The following VPS53 variants were observed in gnomAD, a reference collection of about 807,000 sequenced individuals.
VPS53 encodes the protein VPS53 subunit of GARP complex, also known as vacuolar protein sorting-associated protein 53 homolog.
In VPS53, 70 loss-of-function variants were observed where a neutral mutation model predicts 107.0. The ratio of observed to expected loss-of-function variants is 0.65; its 90% CI spans 0.54 to 0.80. The LOEUF (loss-of-function observed/expected upper bound fraction) is 0.80, where lower values mean the gene tolerates loss of function less well. VPS53 is among the 30% of genes least tolerant of loss of function. The pLI is 0.00. For missense variants in VPS53, 917 were observed against 1,049.4 expected (o/e 0.87, Z 1.74); for synonymous variants, 409 against 393.3 (o/e 1.04, Z -0.47).
intron 4 of VPS53, among the ~76,000 whole-genome samples, chr17:684,879 T>C (rs1208759210): frequency 1.3e-5 from 2 of 151,912 alleles, no homozygotes; most frequent in Non-Finnish European, 2.9e-5. Flanking sequence ...TCCCAGCGAC[T>C]CGAGAGATTG....
rs765870836 is a variant in VPS53 at position 655,915 on chromosome 17, G to A, written c.411C>T (p.His137=). The A allele has an allele frequency of 9.9e-5, 159 of 1,613,742 alleles. No individual in the cohort carries two copies. Among genetic ancestry groups the A allele is most frequent in the Middle Eastern group, 1.6e-4 (1 of 6,084 alleles). ...TTGAGGTGGTCAGGTGGCGTTTGGC[G>A]TGATCTAATTGCTTAATATCACGGG... ...EITRDIKQLD[H]AKRHLTTSIT... The change falls in exon 6 of 22, where the codon CAC becomes CAT. Residue 137 remains histidine, a synonymous_variant. Coordinates refer to ENST00000437048, the MANE Select transcript of VPS53 (RefSeq NM_001128159.3).
intron 4 of VPS53, among the ~76,000 whole-genome samples, chr17:688,142 T>C (rs1281761737): frequency 6.6e-6 from 1 of 152,086 alleles, no homozygotes; most frequent in Admixed American, 6.5e-5. Context: ...GCTATCAAGG[T>C]GATATGATTT....
At chr17:585,662 G>A (rs533444675) in intron 13 of VPS53, among the ~76,000 whole-genome samples, 35 of 151,848 alleles carry the variant, frequency 2.3e-4, no homozygotes, top group African/African-American at 8.2e-4. Context: ...GGGAGGGGAG[G>A]GAATAAAAAG....
intron 13 of VPS53, among the ~76,000 whole-genome samples, chr17:575,366 A>C (rs1914506198): frequency 6.6e-6 from 1 of 152,202 alleles, no homozygotes; most frequent in South Asian, 2.1e-4. Context: ...CATTAAAAAC[A>C]AGGGGAGGGG....
At chr17:579,120 C>A (rs188016411) in intron 13 of VPS53, among the ~76,000 whole-genome samples, 5 of 151,606 alleles carry the variant, frequency 3.3e-5, no homozygotes, top group Admixed American at 6.6e-5. Context: ...TCCCAGAGAA[C>A]ATCCCTCAGA....
rs370211308 is a variant in VPS53, at chr17:535,302, A to G, written c.2015+1726T>C. Among the ~76,000 whole-genome samples the G allele has an allele frequency of 1.4e-4, 22 of 152,334 alleles. No individual in the cohort carries two copies. The East Asian group carries it at 2.5e-3, about 17-fold the overall frequency. Reference sequence around the variant, plus strand: ...AGGGCTCTGAGAGAATGTGAGGCTGATGCTGGGAGATGCTGGGACTGGCTA... The same window carrying G: ...AGGGCTCTGAGAGAATGTGAGGCTGGTGCTGGGAGATGCTGGGACTGGCTA... On this transcript the variant is annotated intron_variant, in intron 18 of 21. Transcript: ENST00000437048.
chr17:632,923 G>C lies in VPS53; in HGVS notation c.609-1295C>G, dbSNP rs373522640. On this transcript the variant is annotated intron_variant, in intron 7 of 21. Transcript: ENST00000437048. ...ATGTTTTCTAAGGTAAAAACAAAAA[G>C]AGCCAAGTGACAAAATGAACTGCTA... is the stretch of plus-strand genomic sequence containing the variant. The C allele has an allele frequency of 2.1e-5, 8 of 375,460 alleles. No individual in the cohort carries two copies. In the East Asian group the frequency reaches 5.2e-4, roughly 24 times the overall value. 23.3% of individuals were successfully genotyped at this position (375,460 alleles called of 1,614,324 possible).
chr17:528,563 A>G (rs996465698), intron 19 of VPS53, among the ~76,000 whole-genome samples: 26 of 149,264 alleles, frequency 1.7e-4, no homozygotes, highest in Non-Finnish European at 3.4e-4. Flanking sequence ...TTTGTGTACA[A>G]GCTTTTGTGT....
chr17:701,100 G>A (rs1231344535), intron 2 of VPS53, among the ~76,000 whole-genome samples: 1 of 152,054 alleles, frequency 6.6e-6, no homozygotes, highest in Non-Finnish European at 1.5e-5. Context: ...AAGGTGGGAG[G>A]ATCACTTAAA....
At chr17:593,224 AT>A (rs1442873381) in intron 12 of VPS53, among the ~76,000 whole-genome samples, 1 of 152,056 alleles carries the variant, frequency 6.6e-6, no homozygotes, top group Non-Finnish European at 1.5e-5. Flanking sequence ...AAACCTAGGC[AT>A]TACCATTCAG....
chr17:517,610 C>A lies in VPS53; in HGVS notation c.*1518G>T, dbSNP rs996759762. 2 of 387,164 alleles carry A rather than the reference C, an allele frequency of 5.2e-6. No homozygotes were observed. The highest frequency in any genetic ancestry group is 8.9e-5 in the Admixed American group (2 of 22,404). 24.0% of individuals were successfully genotyped at this position (387,164 alleles called of 1,614,324 possible). A position where few individuals can be genotyped will look rare whatever the true frequency, so the allele number is the denominator to read the frequency against. ...TCTTGGCTCACTGCAGCCTCCACCTCCCGGGTTTAAGTGATTCTCCTGCCT... is the reference window on the plus strand; with the variant it reads ...TCTTGGCTCACTGCAGCCTCCACCTACCGGGTTTAAGTGATTCTCCTGCCT... On this transcript the variant is annotated 3_prime_UTR_variant, in exon 22 of 22. Transcript: ENST00000437048.
intron 7 of VPS53, among the ~76,000 whole-genome samples, chr17:634,911 A>T (rs1428443913): frequency 1.5e-5 from 2 of 133,832 alleles, no homozygotes; most frequent in Non-Finnish European, 3.5e-5. Context: ...GTATATACCC[A>T]GTAATGGGGT....
intron 5 of VPS53, among the ~76,000 whole-genome samples, chr17:661,592 C>T (rs902914736): frequency 1.3e-5 from 2 of 151,734 alleles, no homozygotes; most frequent in African/African-American, 4.8e-5. Context: ...AAAACTAGGG[C>T]TGCAAACACA....
chr17:652,318 A>G (rs531599225), intron 7 of VPS53, among the ~76,000 whole-genome samples: 19 of 152,176 alleles, frequency 1.2e-4, no homozygotes, highest in Non-Finnish European at 2.2e-4. Flanking sequence ...TTTTCTAAAG[A>G]CCGCCACAGC....
chr17:551,240 A>C (rs921505386), intron 17 of VPS53, among the ~76,000 whole-genome samples: 23 of 152,108 alleles, frequency 1.5e-4, no homozygotes, highest in African/African-American at 4.6e-4. Context: ...TAGGAACATG[A>C]GAGGAACATG....
At chr17:660,662 TGCTGGGTGTGGTGC>T (rs1196459102) in intron 5 of VPS53, among the ~76,000 whole-genome samples, 53 of 85,930 alleles carry the variant, frequency 6.2e-4, no homozygotes, top group African/African-American at 4.1e-3. Context: ...CCCTGGGTGC[TGCTGGGTGTGGTGC>T]ATCCTTGGTG....
rs979835381 is a variant in VPS53 at position 653,558 on chromosome 17, T to C, written c.489-148A>G. 5 of 1,284,966 alleles carry C rather than the reference T, an allele frequency of 3.9e-6. No individual in the cohort carries two copies. In the African/African-American group the frequency reaches 7.5e-5, roughly 19 times the overall value. 79.6% of individuals were successfully genotyped at this position (1,284,966 alleles called of 1,614,324 possible). Reference sequence around the variant, plus strand: ...ACTGAGTATATAAGCTGCTGTGCGTTGTGGGAGGAAAAAACAGGATCTGGT... The same window carrying C: ...ACTGAGTATATAAGCTGCTGTGCGTCGTGGGAGGAAAAAACAGGATCTGGT... On this transcript the variant is annotated intron_variant, in intron 6 of 21. Coordinates refer to ENST00000437048, the MANE Select transcript of VPS53 (RefSeq NM_001128159.3).
intron 12 of VPS53, among the ~76,000 whole-genome samples, chr17:588,800 G>C (rs1171188740): frequency 2.6e-5 from 4 of 152,206 alleles, no homozygotes; most frequent in Non-Finnish European, 5.9e-5. Flanking sequence ...TGAGTGCACA[G>C]ATGTCCTGGG....
intron 12 of VPS53, among the ~76,000 whole-genome samples, chr17:594,178 A>T (rs1234478755): frequency 1.3e-5 from 2 of 151,826 alleles, no homozygotes; most frequent in Non-Finnish European, 1.5e-5. Context: ...AGGAGGGGGG[A>T]GGGATAGCAC....
Sources: allele counts gnomAD v4.1 joint callset (sites outside exome capture counted in the v4.1 genomes callset), GRCh38; gene constraint gnomAD v4.1.1; transcripts MANE v1.5; gene names NCBI Gene and HGNC (gene_info 2026-07-23, HGNC 2026-07-21).